PSMA1: variants seen among roughly 807,000 people sequenced by gnomAD.
PSMA1 encodes the protein proteasome 20S subunit alpha 1.
A neutral mutation model predicts 38.4 loss-of-function variants in PSMA1; 3 were observed. That is an observed-to-expected ratio of 0.08 (90% CI 0.04 to 0.20). The LOEUF is 0.20. Ranked by LOEUF, PSMA1 falls within the 10% of genes least tolerant of loss-of-function variation. PSMA1 has a pLI of 1.00. For synonymous variants in PSMA1, 101 were observed against 107.1 expected (o/e 0.94, Z 0.35); for missense variants, 227 against 325.3 (o/e 0.70, Z 2.32).
chr11:14,506,105 T>C (rs1416312938), intron 9 of PSMA1, among the ~76,000 whole-genome samples: 1 of 152,154 alleles, frequency 6.6e-6, no homozygotes, highest in African/African-American at 2.4e-5. Flanking sequence ...TATCAGAAGA[T>C]TTTTAGGAGT....
At chr11:14,537,465 C>CT (rs1218297801) in intron 2 of PSMA1, among the ~76,000 whole-genome samples, 1 of 151,104 alleles carries the variant, frequency 6.6e-6, no homozygotes, top group East Asian at 1.9e-4. Flanking sequence ...TAGATCATAT[C>CT]TTTTAAAGAG....
chr11:14,564,948 A>C (rs1852052716), intron 2 of PSMA1, among the ~76,000 whole-genome samples: 1 of 151,812 alleles, frequency 6.6e-6, no homozygotes, highest in African/African-American at 2.4e-5. Context: ...TGGCTAATTA[A>C]AAAAATTTTT....
At chr11:14,629,344 A>G (rs1852967405) in intron 1 of PSMA1, among the ~76,000 whole-genome samples, 1 of 152,176 alleles carries the variant, frequency 6.6e-6, no homozygotes, top group Non-Finnish European at 1.5e-5. Context: ...TGATTTTTAT[A>G]TAAGGTGTAA....
intron 2 of PSMA1, among the ~76,000 whole-genome samples, chr11:14,592,394 A>ATTTT (rs757886405): frequency 2.8e-4 from 38 of 138,140 alleles, no homozygotes; most frequent in East Asian, 1.1e-3. Context: ...ATATATATAT[A>ATTTT]TTTTTTTTTT....
At chr11:14,629,990 C>T (rs1852977578) in intron 1 of PSMA1, among the ~76,000 whole-genome samples, 1 of 151,972 alleles carries the variant, frequency 6.6e-6, no homozygotes, top group Non-Finnish European at 1.5e-5. Flanking sequence ...TATAAGAATG[C>T]TTGTGATTTT....
intron 1 of PSMA1, among the ~76,000 whole-genome samples, chr11:14,632,898 C>T (rs556529653): frequency 3.5e-4 from 53 of 151,562 alleles, no homozygotes; most frequent in Middle Eastern, 3.4e-3. Flanking sequence ...CATCTTCCAT[C>T]GCTGATACCC....
chr11:14,517,345 A>C (rs1851446698), intron 4 of PSMA1, among the ~76,000 whole-genome samples: 1 of 152,280 alleles, frequency 6.6e-6, no homozygotes, highest in Non-Finnish European at 1.5e-5. Context: ...GAAACCAGAC[A>C]AAAGTATCAC....
At chr11:14,509,477 A>G (rs1216077870) in intron 8 of PSMA1, among the ~76,000 whole-genome samples, 1 of 149,982 alleles carries the variant, frequency 6.7e-6, no homozygotes, top group Non-Finnish European at 1.5e-5. Context: ...CCCACTATCT[A>G]TCTACCCCTA....
At chr11:14,626,052 A>C (rs572637007) in intron 1 of PSMA1, among the ~76,000 whole-genome samples, 1 of 151,894 alleles carries the variant, frequency 6.6e-6, no homozygotes, top group African/African-American at 2.4e-5. Flanking sequence ...AAAAAACGTT[A>C]TTTTTGCTAA....
At chr11:14,508,935 T>C (rs1179486691) in intron 8 of PSMA1, among the ~76,000 whole-genome samples, 1 of 151,876 alleles carries the variant, frequency 6.6e-6, no homozygotes, top group East Asian at 1.9e-4. Flanking sequence ...ACCTAACTCA[T>C]CTCCCAGTTG....
At chr11:14,541,759 A>G (rs1265354336) in intron 2 of PSMA1, among the ~76,000 whole-genome samples, 2 of 152,232 alleles carry the variant, frequency 1.3e-5, no homozygotes, top group Admixed American at 1.3e-4. Flanking sequence ...ATACCAACAC[A>G]TGGCATGGAA....
intron 1 of PSMA1, among the ~76,000 whole-genome samples, chr11:14,629,092 G>T (rs1428887938): frequency 2.6e-5 from 4 of 151,932 alleles, no homozygotes; most frequent in African/African-American, 9.7e-5. Flanking sequence ...AGTAGGTTGC[G>T]AAAATTTTCT....
rs1250169785 is a variant in PSMA1, at chr11:14,505,227, G to T, written c.757C>A (p.Pro253Thr). Residue 253 changes from proline to threonine, a missense_variant, in exon 10 of 10, where the codon CCT becomes ACT. By Grantham distance (38) the Pro-to-Thr change is conservative. Transcript: ENST00000396394. ...ATTGGTTCATCAGCCTTTTCTGCAG[G>T]TTCATCAGCAGGTTGAGCAGGCTTA... ...KAQPAQPADE[P>T]AEKADEPMEH 16 of 1,613,548 alleles carry T rather than the reference G, an allele frequency of 9.9e-6. No homozygotes were observed. Among genetic ancestry groups the T allele is most frequent in the Non-Finnish European group, 1.4e-5 (16 of 1,179,746 alleles).
At chr11:14,540,970 C>T (rs1246446931) in intron 2 of PSMA1, among the ~76,000 whole-genome samples, 2 of 151,842 alleles carry the variant, frequency 1.3e-5, no homozygotes, top group Non-Finnish European at 2.9e-5. Context: ...GGATAGCATT[C>T]GGAGATATAT....
chr11:14,522,011 C>A (rs1851536728), upstream of PSMA1, among the ~76,000 whole-genome samples: 1 of 152,122 alleles, frequency 6.6e-6, no homozygotes, highest in African/African-American at 2.4e-5. Context: ...ATAAATAGTG[C>A]TAACTGATTA....
At chr11:14,630,882 G>T (rs1852995447) in intron 1 of PSMA1, among the ~76,000 whole-genome samples, 1 of 152,010 alleles carries the variant, frequency 6.6e-6, no homozygotes, top group African/African-American at 2.4e-5. Context: ...CTTCTTCCTG[G>T]TTTAGTCTTG....
intron 1 of PSMA1, among the ~76,000 whole-genome samples, chr11:14,616,231 G>GTTTTTTTTTTTTTTTTTTTTTTT (rs34292683): frequency 7.9e-6 from 1 of 126,686 alleles, no homozygotes. Flanking sequence ...GATCCCAACA[G>GTTTTTTTTTTTTTTTTTTTTTTT]TTTTTTTTTT....
At chr11:14,578,989 T>G (rs1852251083) in intron 2 of PSMA1, among the ~76,000 whole-genome samples, 1 of 152,176 alleles carries the variant, frequency 6.6e-6, no homozygotes, top group Non-Finnish European at 1.5e-5. Flanking sequence ...GAGGATGGGA[T>G]TAGGTGAAGA....
At chr11:14,572,720 C>A (rs1320562679) in intron 2 of PSMA1, among the ~76,000 whole-genome samples, 1 of 152,056 alleles carries the variant, frequency 6.6e-6, no homozygotes, top group Non-Finnish European at 1.5e-5. Flanking sequence ...ATCAATGAAT[C>A]CAGGAGCTGG....
Sources: allele counts gnomAD v4.1 joint callset (sites outside exome capture counted in the v4.1 genomes callset), GRCh38; gene constraint gnomAD v4.1.1; transcripts MANE v1.5; gene names NCBI Gene and HGNC (gene_info 2026-07-23, HGNC 2026-07-21).